The following C2orf42 variants were observed in gnomAD, a reference collection of about 807,000 sequenced individuals.
The protein encoded by C2orf42 is chromosome 2 open reading frame 42.
C2orf42 carries 44 observed loss-of-function variants against 58.9 expected under a neutral mutation model. The observed-to-expected ratio is 0.75, with a 90% CI of 0.59 to 0.96. The LOEUF (loss-of-function observed/expected upper bound fraction) is 0.96. C2orf42 is among the 40% of genes least tolerant of loss of function. C2orf42 has a pLI of 0.00. For missense variants in C2orf42, 630 were observed against 699.2 expected, an observed-to-expected ratio of 0.90 and a Z score of 1.12; for synonymous variants, 239 against 265.4, an observed-to-expected ratio of 0.90 and a Z score of 0.97.
At position 70,154,414 on chromosome 2, in the gene C2orf42, TAAAAAAA is replaced by T. The variant is rs36028499; in HGVS notation, c.1517-3857_1517-3851del. On this transcript the variant is annotated intron_variant, in intron 9 of 9. Coordinates refer to ENST00000264434, the MANE Select transcript of C2orf42 (RefSeq NM_017880.3). The stretch of plus-strand genomic sequence containing the variant: ...CCCCATCTCTGTAAGAAATTTTTAC[TAAAAAAA>T]AAAAAAAAAAAAAAAAAAAAAAAAT... 6.8e-3 allele frequency among the ~76,000 whole-genome samples: 175 copies of T among 25,608 alleles called. 1 individual carries two copies. The highest frequency in any genetic ancestry group is 0.025 in the African/African-American group (170 of 6,806). 16.8% of individuals were successfully genotyped at this position (25,608 alleles called of 152,430 possible).
intron 5 of C2orf42, 38 bp downstream of exon 5, chr2:70,175,635 T>A (rs770866992): frequency 1.7e-6 from 2 of 1,193,986 alleles, no homozygotes; most frequent in Non-Finnish European, 1.3e-6. Flanking sequence ...AGGATGACTT[T>A]CCACCACTGT....
intron 9 of C2orf42, among the ~76,000 whole-genome samples, chr2:70,159,366 T>C (rs533501679): frequency 9.4e-4 from 143 of 151,748 alleles, no homozygotes; most frequent in African/African-American, 3.2e-3. Context: ...GGTGGGCAGA[T>C]TGCCTGAGCT....
At chr2:70,158,556 TCCCCTAC>T (rs1672848339) in intron 9 of C2orf42, among the ~76,000 whole-genome samples, 1 of 151,952 alleles carries the variant, frequency 6.6e-6, no homozygotes, top group African/African-American at 2.4e-5. Flanking sequence ...TTCAAGCAAT[TCCCCTAC>T]CTCAGCCTCC....
intron 5 of C2orf42, among the ~76,000 whole-genome samples, chr2:70,172,370 C>A (rs919846695): frequency 6.6e-5 from 10 of 151,772 alleles, no homozygotes; most frequent in African/African-American, 2.4e-4. Context: ...ATCTATCATT[C>A]TATTTCTTTT....
At chr2:70,183,715 C>A (rs1383467032) in intron 1 of C2orf42, among the ~76,000 whole-genome samples, 1 of 137,422 alleles carries the variant, frequency 7.3e-6, no homozygotes, top group Non-Finnish European at 1.5e-5. Flanking sequence ...TGCGCCCGGC[C>A]GACCCCATCT....
intron 1 of C2orf42, among the ~76,000 whole-genome samples, chr2:70,184,349 G>T (rs990711016): frequency 2.6e-5 from 4 of 151,840 alleles, no homozygotes; most frequent in African/African-American, 4.8e-5. Context: ...GCTAATTTTT[G>T]TATTTTTAGT....
intron 9 of C2orf42, among the ~76,000 whole-genome samples, chr2:70,158,736 C>T (rs1285958754): frequency 4.0e-5 from 6 of 151,532 alleles, no homozygotes; most frequent in African/African-American, 1.2e-4. Flanking sequence ...GCATGAGTCA[C>T]CACGCCCGGC....
intron 9 of C2orf42, among the ~76,000 whole-genome samples, chr2:70,160,307 G>A (rs1007649839): frequency 6.6e-6 from 1 of 151,814 alleles, no homozygotes; most frequent in Non-Finnish European, 1.5e-5. Context: ...GCCTGGCTAA[G>A]TTTTGTATTT....
chr2:70,178,377 C>T lies in C2orf42; in HGVS notation c.934+1155G>A, dbSNP rs552924027. Among the ~76,000 whole-genome samples the T allele has an allele frequency of 4.0e-3, 606 of 152,170 alleles. 1 individual carries two copies. Among genetic ancestry groups the T allele is most frequent in the Non-Finnish European group, 6.4e-3 (435 of 68,006 alleles). ...ATCCCAGCACTTTGGGAGGCCAAGG[C>T]GGGTGGATCACCTGAGGTCAGGAGT... On this transcript the variant is annotated intron_variant, in intron 4 of 9. Coordinates refer to ENST00000264434, the MANE Select transcript of C2orf42 (RefSeq NM_017880.3).
chr2:70,183,686 G>T (rs1430692855), intron 1 of C2orf42, among the ~76,000 whole-genome samples: 1 of 148,858 alleles, frequency 6.7e-6, no homozygotes, highest in African/African-American at 2.5e-5. Flanking sequence ...AAAGTGCTGG[G>T]ATTACAGGCG....
In C2orf42 at chr2:70,150,365, A is replaced by G. The variant is rs369987811; in HGVS notation, c.1716T>C (p.Thr572=). ...PLELAPLTTI[T]FP ...ATTATCTTGTTTTGCTTTAAGGGAA[A>G]GTAATAGTGGTCAGAGGGGCCAGTT... Residue 572 remains threonine, a synonymous_variant, in exon 10 of 10, where the codon ACT becomes ACC. Transcript: ENST00000264434. The G allele has an allele frequency of 9.3e-6, 15 of 1,613,566 alleles. No homozygotes were observed. The African/African-American group carries it at 1.2e-4, about 13-fold the overall frequency.
intron 1 of C2orf42, among the ~76,000 whole-genome samples, chr2:70,185,425 A>G (rs72841130): frequency 0.064 from 9,643 of 150,890 alleles, 355 homozygotes; most frequent in East Asian, 0.17. Flanking sequence ...AAAGTTTTAA[A>G]AAGACTAGGC....
chr2:70,150,550 C>T lies in C2orf42; in HGVS notation c.1531G>A (p.Asp511Asn), dbSNP rs1249800737. ...TFLKVGNTSP[D>N]QKEPTPFIIE... ...ATGAAAGGTGTTGGCTCCTTTTGATCTGGGGAAGTGTTGCCTAAAGAGAAG... is the reference window on the plus strand; with the variant it reads ...ATGAAAGGTGTTGGCTCCTTTTGATTTGGGGAAGTGTTGCCTAAAGAGAAG... The change falls in exon 10 of 10, where the codon GAT (aspartate) becomes AAT (asparagine). Residue 511 changes from aspartate to asparagine, a missense_variant. By Grantham distance (23) the Asp-to-Asn change is conservative. Coordinates refer to ENST00000264434, the MANE Select transcript of C2orf42 (RefSeq NM_017880.3). The T allele has an allele frequency of 6.2e-7, 1 of 1,613,278 alleles. No individual in the cohort carries two copies.
chr2:70,153,503 C>T (rs181054181), intron 9 of C2orf42, among the ~76,000 whole-genome samples: 6,107 of 150,824 alleles, frequency 0.04, 423 homozygotes, highest in Admixed American at 0.17. Context: ...GGACTACAGG[C>T]GCCCGCCACC....
intron 6 of C2orf42, among the ~76,000 whole-genome samples, chr2:70,168,055 A>G (rs1240363953): frequency 6.6e-6 from 1 of 151,928 alleles, no homozygotes; most frequent in Non-Finnish European, 1.5e-5. Context: ...TAACATGGTG[A>G]AACCCCATCT....
At chr2:70,189,457 C>G (rs1386517322) in intron 1 of C2orf42, among the ~76,000 whole-genome samples, 2 of 149,160 alleles carry the variant, frequency 1.3e-5, no homozygotes, top group African/African-American at 2.5e-5. Context: ...GTGGCTCACG[C>G]CTGTAATCCC....
chr2:70,165,043 C>T, intron 8 of C2orf42, 49 bp downstream of exon 8: 1 of 982,324 alleles, frequency 1.0e-6, no homozygotes, highest in Non-Finnish European at 1.6e-6. Flanking sequence ...TACTTGCCTC[C>T]CTCTCTTCCC....
intron 6 of C2orf42, among the ~76,000 whole-genome samples, chr2:70,168,659 A>G (rs1030338983): frequency 2.6e-5 from 4 of 151,276 alleles, no homozygotes; most frequent in Non-Finnish European, 4.4e-5. Flanking sequence ...CCATGAGACT[A>G]TAACAAATAA....
chr2:70,173,088 C>T (rs1391194342), intron 5 of C2orf42, among the ~76,000 whole-genome samples: 7 of 151,460 alleles, frequency 4.6e-5, no homozygotes, highest in East Asian at 2.0e-4. Context: ...ACCTGGGAGG[C>T]GAAGGTTGCA....
Sources: gnomAD v4.1 joint callset for allele counts (sites outside exome capture counted in the v4.1 genomes callset) on GRCh38, gnomAD v4.1.1 for gene constraint, MANE v1.5 for transcripts, NCBI Gene and HGNC (gene_info 2026-07-23, HGNC 2026-07-21) for gene names.